DCC: variants seen among roughly 807,000 people sequenced by gnomAD.
The protein encoded by DCC is netrin receptor DCC.
A neutral mutation model predicts 172.5 loss-of-function variants in DCC; 58 were observed. The ratio of observed to expected loss-of-function variants is 0.34; its 90% CI spans 0.27 to 0.42. The LOEUF (loss-of-function observed/expected upper bound fraction) is 0.42, where lower values mean the gene tolerates loss of function less well. Ranked by LOEUF, DCC falls within the 10% of genes least tolerant of loss-of-function variation. The pLI is 1.00. For missense variants in DCC, 1,740 were observed against 1,791.0 expected (o/e 0.97, Z 0.51); for synonymous variants, 709 against 644.5 (o/e 1.10, Z -1.52).
At chr18:53,356,512 C>G (rs1261601275) in intron 15 of DCC, among the ~76,000 whole-genome samples, 1 of 152,148 alleles carries the variant, frequency 6.6e-6, no homozygotes, top group Non-Finnish European at 1.5e-5. Flanking sequence ...TTAGATGTTA[C>G]TAGAGTACTG....
chr18:52,578,321 G>T (rs2033463321), intron 1 of DCC, among the ~76,000 whole-genome samples: 1 of 152,178 alleles, frequency 6.6e-6, no homozygotes, highest in Non-Finnish European at 1.5e-5. Flanking sequence ...TTCAATTTTA[G>T]TTCTTACCAG....
intron 1 of DCC, among the ~76,000 whole-genome samples, chr18:52,457,301 T>A (rs1988488413): frequency 6.6e-6 from 1 of 152,054 alleles, no homozygotes; most frequent in Non-Finnish European, 1.5e-5. Context: ...AGCTGGAAAA[T>A]GAAGATAATG....
At chr18:53,132,938 G>T (rs957060930) in intron 7 of DCC, among the ~76,000 whole-genome samples, 1 of 152,168 alleles carries the variant, frequency 6.6e-6, no homozygotes, top group African/African-American at 2.4e-5. Flanking sequence ...ATGAGTGCCT[G>T]CACCACTGTG....
intron 7 of DCC, among the ~76,000 whole-genome samples, chr18:53,099,563 C>T (rs1041082311): frequency 1.3e-5 from 2 of 152,092 alleles, no homozygotes; most frequent in African/African-American, 4.8e-5. Context: ...ATTTCCTATT[C>T]TGTGAAATGG....
At chr18:52,873,946 G>T (rs1444995526) in intron 2 of DCC, among the ~76,000 whole-genome samples, 1 of 152,180 alleles carries the variant, frequency 6.6e-6, no homozygotes, top group Non-Finnish European at 1.5e-5. Flanking sequence ...GTAAGGATTT[G>T]ATCTAAAATT....
chr18:52,547,122 T>C (rs1188254279), intron 1 of DCC, among the ~76,000 whole-genome samples: 1 of 152,120 alleles, frequency 6.6e-6, no homozygotes. Context: ...GAAATGCTAA[T>C]AAAATGTCAC....
At chr18:53,514,723 C>T (rs1221646726) in intron 27 of DCC, among the ~76,000 whole-genome samples, 1 of 152,076 alleles carries the variant, frequency 6.6e-6, no homozygotes, top group Non-Finnish European at 1.5e-5. Flanking sequence ...TTCCTCAACA[C>T]ATACACTCTC....
chr18:52,997,885 A>T (rs1352850334), intron 5 of DCC, among the ~76,000 whole-genome samples: 1 of 151,930 alleles, frequency 6.6e-6, no homozygotes, highest in Non-Finnish European at 1.5e-5. Flanking sequence ...AAATTTCAAC[A>T]TCAAGACCCA....
intron 5 of DCC, among the ~76,000 whole-genome samples, chr18:53,008,444 T>C (rs969156758): frequency 6.6e-6 from 1 of 152,062 alleles, no homozygotes; most frequent in Non-Finnish European, 1.5e-5. Flanking sequence ...TTTATCTGTT[T>C]TCAAAAAAGA....
chr18:52,380,462 G>A (rs12964910), intron 1 of DCC, among the ~76,000 whole-genome samples: 22,425 of 151,982 alleles, frequency 0.15, 1,817 homozygotes, highest in African/African-American at 0.17. Context: ...GGAAAAAATT[G>A]CCAGATGGAA....
chr18:52,840,767 A>G (rs7227831), intron 2 of DCC, among the ~76,000 whole-genome samples: 3,757 of 152,290 alleles, frequency 0.025, 164 homozygotes, highest in African/African-American at 0.087. Flanking sequence ...AACCATGAAC[A>G]TCATTAACAT....
Position 53,351,282 on chromosome 18 carries a change from T to C in DCC, c.2359+11375T>C, listed in dbSNP as rs113035285. On this transcript the variant is annotated intron_variant, in intron 15 of 28. Transcript: ENST00000442544. ...AACAGGAGAAGAAAAGATCTTCTCATTGAGTACAGTATATATATATATATA... is the reference window on the plus strand; with the variant it reads ...AACAGGAGAAGAAAAGATCTTCTCACTGAGTACAGTATATATATATATATA... Among the ~76,000 whole-genome samples the C allele has an allele frequency of 6.0e-3, 437 of 72,784 alleles. 9 individuals are homozygous for C. The highest frequency in any genetic ancestry group is 0.02 in the African/African-American group (415 of 21,266). The allele number at this position is 72,784 out of a possible 152,430, so 47.7% of individuals were successfully genotyped here. A position where few individuals can be genotyped will look rare whatever the true frequency, so the allele number is the denominator to read the frequency against.
chr18:52,438,380 G>T (rs529030526), intron 1 of DCC, among the ~76,000 whole-genome samples: 1 of 152,072 alleles, frequency 6.6e-6, no homozygotes, highest in East Asian at 1.9e-4. Context: ...ATGTTATGTT[G>T]GGTTACTAAG....
At chr18:52,915,195 T>C (rs2040023551) in intron 3 of DCC, among the ~76,000 whole-genome samples, 4 of 152,160 alleles carry the variant, frequency 2.6e-5, no homozygotes, top group Admixed American at 1.3e-4. Flanking sequence ...GGTTCCTAAA[T>C]AACTGTTTAG....
chr18:53,028,983 T>A (rs537620772), intron 5 of DCC, among the ~76,000 whole-genome samples: 1 of 152,268 alleles, frequency 6.6e-6, no homozygotes, highest in South Asian at 2.1e-4. Context: ...GAAATGCATA[T>A]GAGCCATATT....
chr18:52,406,621 T>C (rs1250092573), intron 1 of DCC, among the ~76,000 whole-genome samples: 1 of 152,084 alleles, frequency 6.6e-6, no homozygotes, highest in Non-Finnish European at 1.5e-5. Flanking sequence ...TTAAAATAAA[T>C]GTTCAAAGAT....
intron 9 of DCC, among the ~76,000 whole-genome samples, chr18:53,187,640 G>A (rs1223493666): frequency 6.6e-6 from 1 of 151,978 alleles, no homozygotes. Context: ...TTAACTGCAG[G>A]TTATATTCTG....
chr18:52,475,649 G>A (rs979130478), intron 1 of DCC, among the ~76,000 whole-genome samples: 2 of 152,086 alleles, frequency 1.3e-5, no homozygotes, highest in African/African-American at 4.8e-5. Flanking sequence ...TATTAGAAGT[G>A]ATTGATTCTC....
At chr18:53,148,898 C>T (rs2144371194) in intron 7 of DCC, among the ~76,000 whole-genome samples, 1 of 112,386 alleles carries the variant, frequency 8.9e-6, no homozygotes, top group East Asian at 2.2e-4. Context: ...AAGTCTCGCT[C>T]TGTTGCCCAG....
Sources: gnomAD v4.1 joint callset for allele counts (sites outside exome capture counted in the v4.1 genomes callset) on GRCh38, gnomAD v4.1.1 for gene constraint, MANE v1.5 for transcripts, NCBI Gene and HGNC (gene_info 2026-07-23, HGNC 2026-07-21) for gene names.